SCN2A: variants seen among roughly 807,000 people sequenced by gnomAD.
The protein encoded by SCN2A is sodium voltage-gated channel alpha subunit 2.
Under a neutral mutation model 188.7 loss-of-function variants are expected in SCN2A, and 20 were observed. The observed-to-expected ratio is 0.11, with a 90% CI of 0.07 to 0.15. SCN2A has a LOEUF of 0.15. Among genes scored for constraint, SCN2A ranks in the 10% least tolerant of loss-of-function variants. The probability of loss-of-function intolerance (pLI) is 1.00; values close to 1 mark genes in which losing one functional copy is unlikely to be tolerated. For synonymous variants in SCN2A, 804 were observed against 833.1 expected (o/e 0.97, Z 0.60); for missense variants, 1,278 against 2,445.0 (o/e 0.52, Z 10.07).
chr2:165,249,708 A>G (rs1286678996), intron 1 of SCN2A, among the ~76,000 whole-genome samples: 2 of 152,010 alleles, frequency 1.3e-5, no homozygotes, highest in Admixed American at 1.3e-4. Context: ...TAACTCTCCT[A>G]AAGAGTCTTC....
intron 16 of SCN2A, among the ~76,000 whole-genome samples, chr2:165,349,221 C>T (rs1699761743): frequency 6.6e-6 from 1 of 152,130 alleles, no homozygotes; most frequent in African/African-American, 2.4e-5. Context: ...TCCTTTATGA[C>T]AACATGAATG....
chr2:165,332,720 G>A (rs749987972), intron 14 of SCN2A, among the ~76,000 whole-genome samples: 1 of 151,890 alleles, frequency 6.6e-6, no homozygotes. Flanking sequence ...TGGTGGGGTG[G>A]CAATTGAAAC....
intron 1 of SCN2A, among the ~76,000 whole-genome samples, chr2:165,288,930 A>G (rs1487171951): frequency 6.6e-6 from 1 of 152,130 alleles, no homozygotes; most frequent in Admixed American, 6.6e-5. Flanking sequence ...CATTACTGTA[A>G]TGTACCAAAG....
At chr2:165,370,451 AT>A in intron 20 of SCN2A, 152 bp downstream of exon 20, 1 of 771,970 alleles carries the variant, frequency 1.3e-6, no homozygotes, top group Non-Finnish European at 2.2e-6. Context: ...GCCTCAAAAC[AT>A]TTTTTACCAA....
chr2:165,240,861 G>C (rs999591114), intron 1 of SCN2A, among the ~76,000 whole-genome samples: 1 of 152,128 alleles, frequency 6.6e-6, no homozygotes, highest in Non-Finnish European at 1.5e-5. Context: ...TTTTAAATGT[G>C]TGGAATCTAT....
chr2:165,301,610 GTATC>G (rs1326610509), intron 3 of SCN2A, among the ~76,000 whole-genome samples: 1 of 152,132 alleles, frequency 6.6e-6, no homozygotes, highest in Non-Finnish European at 1.5e-5. Context: ...TGTATGACAA[GTATC>G]TAGCACCAGA....
chr2:165,254,421 A>G (rs1369854424), intron 1 of SCN2A, among the ~76,000 whole-genome samples: 2 of 151,790 alleles, frequency 1.3e-5, no homozygotes, highest in Non-Finnish European at 3.0e-5. Context: ...GGAAAAGTTT[A>G]CTATCAAATT....
At chr2:165,337,230 A>G (rs1161526498) in intron 14 of SCN2A, among the ~76,000 whole-genome samples, 1 of 152,150 alleles carries the variant, frequency 6.6e-6, no homozygotes, top group Non-Finnish European at 1.5e-5. Flanking sequence ...CAGAAGAAAT[A>G]GTTGTTAACT....
intron 18 of SCN2A, among the ~76,000 whole-genome samples, chr2:165,365,921 T>C (rs746668531): frequency 2.6e-5 from 4 of 152,144 alleles, no homozygotes; most frequent in Admixed American, 6.5e-5. Context: ...CAGTTATATA[T>C]TGTAATAGCA....
intron 13 of SCN2A, 147 bp from the exon 14 acceptor site, chr2:165,331,183 T>C (rs1208464864): frequency 5.8e-6 from 4 of 691,492 alleles, no homozygotes; most frequent in South Asian, 3.3e-5. Context: ...AGCAAACCCA[T>C]TGTAAAATTT....
At chr2:165,264,546 A>G (rs1037879650) in intron 1 of SCN2A, among the ~76,000 whole-genome samples, 1 of 152,114 alleles carries the variant, frequency 6.6e-6, no homozygotes, top group Non-Finnish European at 1.5e-5. Flanking sequence ...TGTTGTACAG[A>G]TGATTTCATC....
chr2:165,353,681 G>T (rs1358915309), intron 16 of SCN2A, among the ~76,000 whole-genome samples: 3 of 152,162 alleles, frequency 2.0e-5, no homozygotes, highest in Non-Finnish European at 4.4e-5. Flanking sequence ...AAGCAAGAGA[G>T]AATGTGGGCA....
At chr2:165,377,814 A>G (rs187393681) in intron 23 of SCN2A, among the ~76,000 whole-genome samples, 164 bp downstream of exon 23, 2 of 152,056 alleles carry the variant, frequency 1.3e-5, no homozygotes, top group African/African-American at 4.8e-5. Flanking sequence ...TTTCAAAATT[A>G]TCATAGGATG....
At chr2:165,383,684 T>G (rs1701721542) in intron 25 of SCN2A, among the ~76,000 whole-genome samples, 1 of 152,126 alleles carries the variant, frequency 6.6e-6, no homozygotes, top group Non-Finnish European at 1.5e-5. Context: ...TTAATAAAAG[T>G]GGATGGATTT....
chr2:165,329,180 G>A (rs940935876), intron 13 of SCN2A, among the ~76,000 whole-genome samples: 2 of 152,074 alleles, frequency 1.3e-5, no homozygotes, highest in African/African-American at 2.4e-5. Flanking sequence ...CCAAGTCTCC[G>A]TTGTCCAGGG....
At chr2:165,368,301 T>C (rs549618315) in intron 19 of SCN2A, among the ~76,000 whole-genome samples, 1 of 152,296 alleles carries the variant, frequency 6.6e-6, no homozygotes, top group South Asian at 2.1e-4. Context: ...GTTCCTCCTG[T>C]CTGCCTGCTG....
chr2:165,270,038 A>G (rs1695036445), intron 1 of SCN2A: 1 of 151,928 alleles, frequency 6.6e-6, no homozygotes, highest in Non-Finnish European at 1.5e-5. Flanking sequence ...TCTGTTGTTT[A>G]CTTTAATCTC....
intron 6 of SCN2A, 111 bp from the exon 7 acceptor site, chr2:165,310,212 T>C: frequency 2.6e-6 from 3 of 1,141,414 alleles, no homozygotes; most frequent in South Asian, 1.2e-5. Context: ...ACTAATATTG[T>C]TGGCATTCTG....
rs200281442 is a variant in SCN2A, at chr2:165,354,697, T to A, written c.3399+26T>A. ...GTAAAAATGTTTAAATAAGGAGATATTTTGGTGTTATATAATTCTGTTGTT... is the reference window on the plus strand; with the variant it reads ...GTAAAAATGTTTAAATAAGGAGATAATTTGGTGTTATATAATTCTGTTGTT... On this transcript the variant is annotated intron_variant, in intron 17 of 26. Coordinates refer to ENST00000375437, the MANE Select transcript of SCN2A (RefSeq NM_001040142.2). The A allele has an allele frequency of 9.9e-5, 159 of 1,609,018 alleles. 1 individual carries two copies. The Admixed American group carries it at 2.6e-3, about 26-fold the overall frequency.
Sources: gnomAD v4.1 joint callset for allele counts (sites outside exome capture counted in the v4.1 genomes callset) on GRCh38, gnomAD v4.1.1 for gene constraint, MANE v1.5 for transcripts, NCBI Gene and HGNC (gene_info 2026-07-23, HGNC 2026-07-21) for gene names.